The following PARD3 variants were observed in gnomAD, a reference collection of about 807,000 sequenced individuals.
The protein encoded by PARD3 is partitioning defective 3 homolog.
Under a neutral mutation model 155.4 loss-of-function variants are expected in PARD3, and 75 were observed. The observed-to-expected ratio is 0.48, with a 90% confidence interval of 0.40 to 0.58. PARD3 has a LOEUF of 0.58. Ranked by LOEUF, PARD3 falls within the 20% of genes least tolerant of loss-of-function variation. The pLI is 0.00. For synonymous variants in PARD3, 576 were observed against 610.5 expected, an observed-to-expected ratio of 0.94 and a Z score of 0.83; for missense variants, 1,642 against 1,721.7, an observed-to-expected ratio of 0.95 and a Z score of 0.82.
At chr10:34,142,510 G>C (rs559152480) in intron 22 of PARD3, among the ~76,000 whole-genome samples, 29 of 151,984 alleles carry the variant, frequency 1.9e-4, no homozygotes, top group African/African-American at 7.0e-4. Context: ...ACTCTAGCCT[G>C]GGTGAAAGAC....
At chr10:34,158,826 A>C (rs190233238) in intron 22 of PARD3, among the ~76,000 whole-genome samples, 1 of 152,348 alleles carries the variant, frequency 6.6e-6, no homozygotes, top group East Asian at 1.9e-4. Flanking sequence ...TTGAAAGCTA[A>C]AGAGCCAAAT....
intron 1 of PARD3, among the ~76,000 whole-genome samples, chr10:34,771,321 A>G (rs938622850): frequency 2.6e-5 from 4 of 152,180 alleles, no homozygotes; most frequent in African/African-American, 9.6e-5. Flanking sequence ...AACATTGCTC[A>G]GCCTCCCCTC....
intron 14 of PARD3, among the ~76,000 whole-genome samples, chr10:34,356,089 G>C (rs1009734478): frequency 6.6e-6 from 1 of 152,056 alleles, no homozygotes; most frequent in African/African-American, 2.4e-5. Flanking sequence ...GTACATAGGA[G>C]ACACTTTGAG....
Position 34,374,876 on chromosome 10 carries a change from G to T in PARD3, c.1666C>A (p.Leu556Met). The change falls in exon 11 of 25, where the codon CTG becomes ATG. Residue 556 changes from leucine to methionine, a missense_variant and splice_region_variant. Physicochemically the swap from Leu to Met is conservative, Grantham distance 15. This residue lies in a region of PARD3 where 1,529 missense variants were observed against 1,587.3 expected (regional missense o/e 0.96). Coordinates refer to ENST00000374788, the MANE Select transcript of PARD3 (RefSeq NM_001184785.2). Reference protein sequence around the residue: ...RQEDAFHPRELNAEPSQMQIP... With the variant: ...RQEDAFHPREMNAEPSQMQIP... ...TCATCTACTCTAAATTTACACACCA[G>T]TTCCCTTGGGTGGAAGGCGTCTTCC... 2.5e-6 allele frequency: 4 copies of T among 1,613,832 alleles called. No individual in the cohort carries two copies. In the South Asian group the frequency reaches 4.4e-5, roughly 18 times the overall value.
At chr10:34,437,906 T>C (rs1204761756) in intron 5 of PARD3, among the ~76,000 whole-genome samples, 1 of 152,224 alleles carries the variant, frequency 6.6e-6, no homozygotes, top group Non-Finnish European at 1.5e-5. Context: ...AATATTTAAT[T>C]AAATACTTTT....
chr10:34,798,454 C>T (rs1299013844), intron 1 of PARD3, among the ~76,000 whole-genome samples: 1 of 151,750 alleles, frequency 6.6e-6, no homozygotes, highest in Non-Finnish European at 1.5e-5. Flanking sequence ...ACTGTAATTC[C>T]AGCACTTTGG....
At chr10:34,478,209 C>T (rs944856630) in intron 3 of PARD3, among the ~76,000 whole-genome samples, 2 of 152,080 alleles carry the variant, frequency 1.3e-5, no homozygotes, top group Admixed American at 6.5e-5. Flanking sequence ...TTGGAAGATG[C>T]TTAGTGATAA....
chr10:34,481,695 C>T (rs1204841510), intron 3 of PARD3, among the ~76,000 whole-genome samples: 1 of 152,104 alleles, frequency 6.6e-6, no homozygotes, highest in East Asian at 1.9e-4. Flanking sequence ...TCAACCAATA[C>T]ATATTTGATT....
chr10:34,228,119 C>T (rs1952720215), intron 22 of PARD3, among the ~76,000 whole-genome samples: 1 of 151,640 alleles, frequency 6.6e-6, no homozygotes. Context: ...TACAGCAACA[C>T]AGATGGAGCT....
At chr10:34,529,521 C>A (rs1314268961) in intron 2 of PARD3, among the ~76,000 whole-genome samples, 1 of 152,086 alleles carries the variant, frequency 6.6e-6, no homozygotes, top group African/African-American at 2.4e-5. Flanking sequence ...GGGATGCAAA[C>A]CCCCCACACA....
intron 20 of PARD3, among the ~76,000 whole-genome samples, chr10:34,306,998 T>G (rs1201749138): frequency 6.6e-6 from 1 of 151,990 alleles, no homozygotes; most frequent in Admixed American, 6.6e-5. Context: ...ACCATTCTCC[T>G]GCCTCAGCCT....
At chr10:34,581,485 C>T (rs571220168) in intron 2 of PARD3, among the ~76,000 whole-genome samples, 9 of 152,196 alleles carry the variant, frequency 5.9e-5, no homozygotes, top group Non-Finnish European at 8.8e-5. Flanking sequence ...CTACCCACCT[C>T]GGCCTCCCAA....
At chr10:34,191,562 A>G (rs1950708059) in intron 22 of PARD3, among the ~76,000 whole-genome samples, 1 of 145,856 alleles carries the variant, frequency 6.9e-6, no homozygotes, top group African/African-American at 2.5e-5. Flanking sequence ...GACTTGCTGG[A>G]TATTTGGAAA....
intron 5 of PARD3, among the ~76,000 whole-genome samples, chr10:34,443,274 C>T (rs1318217663): frequency 2.6e-5 from 4 of 152,092 alleles, no homozygotes; most frequent in Admixed American, 2.0e-4. Context: ...TTACTTTTGC[C>T]CTCAATCTTC....
intron 12 of PARD3, among the ~76,000 whole-genome samples, chr10:34,369,444 G>A (rs766175196): frequency 9.2e-5 from 14 of 151,962 alleles, no homozygotes; most frequent in Non-Finnish European, 1.8e-4. Flanking sequence ...GATATTGGAC[G>A]TGCCTGAACT....
At chr10:34,152,451 T>C (rs998460760) in intron 22 of PARD3, among the ~76,000 whole-genome samples, 1 of 152,208 alleles carries the variant, frequency 6.6e-6, no homozygotes, top group Admixed American at 6.5e-5. Context: ...CATAATGGTA[T>C]TTGTGTATCT....
chr10:34,376,564 G>T (rs1196376356), intron 10 of PARD3, among the ~76,000 whole-genome samples: 1 of 152,128 alleles, frequency 6.6e-6, no homozygotes, highest in Non-Finnish European at 1.5e-5. Context: ...CAGGAAGCAG[G>T]ACCCTAACAT....
chr10:34,465,302 G>A (rs1237170353), intron 4 of PARD3, among the ~76,000 whole-genome samples: 1 of 152,010 alleles, frequency 6.6e-6, no homozygotes. Flanking sequence ...CAAAGAGCAA[G>A]CTGTATTACT....
chr10:34,389,551 G>A (rs114028798), intron 7 of PARD3, among the ~76,000 whole-genome samples: 331 of 152,272 alleles, frequency 2.2e-3, no homozygotes, highest in African/African-American at 7.5e-3. Context: ...TGAGTTTTGC[G>A]TTGATAATGT....
Sources: gnomAD v4.1 joint callset for allele counts (sites outside exome capture counted in the v4.1 genomes callset) on GRCh38, gnomAD v4.1.1 for gene constraint, gnomAD v4.1.1 regional missense constraint, MANE v1.5 for transcripts, NCBI Gene and HGNC (gene_info 2026-07-23, HGNC 2026-07-21) for gene names.